The following NR3C2 variants were observed in gnomAD, a reference collection of about 807,000 sequenced individuals.
NR3C2 encodes nuclear receptor subfamily 3 group C member 2.
In NR3C2, 15 loss-of-function variants were observed where a neutral mutation model predicts 86.4. The ratio of observed to expected loss-of-function variants is 0.17; its 90% CI spans 0.12 to 0.27. NR3C2 has a LOEUF of 0.27. Ranked by LOEUF, NR3C2 falls within the 10% of genes least tolerant of loss-of-function variation. The pLI, the probability that NR3C2 is intolerant of heterozygous loss-of-function variation, is 1.00. For synonymous variants in NR3C2, 458 were observed against 450.5 expected (o/e 1.02, Z -0.21); for missense variants, 960 against 1,195.6 (o/e 0.80, Z 2.91).
chr4:148,386,984 G>C (rs1027240259), intron 2 of NR3C2, among the ~76,000 whole-genome samples: 2 of 152,046 alleles, frequency 1.3e-5, no homozygotes, highest in Non-Finnish European at 2.9e-5. Context: ...TTTTCTTAGT[G>C]ACTTAACCCA....
chr4:148,430,903 C>A (rs1342456051), intron 2 of NR3C2, among the ~76,000 whole-genome samples: 1 of 152,060 alleles, frequency 6.6e-6, no homozygotes, highest in African/African-American at 2.4e-5. Context: ...CTGTTTCATT[C>A]TATCGTGAAA....
At chr4:148,151,827 T>A (rs1361543466) in intron 6 of NR3C2, among the ~76,000 whole-genome samples, 1 of 152,158 alleles carries the variant, frequency 6.6e-6, no homozygotes, top group Admixed American at 6.5e-5. Flanking sequence ...GATACAAACA[T>A]AAATAAAATG....
intron 1 of NR3C2, among the ~76,000 whole-genome samples, chr4:148,437,819 T>C (rs944863282): frequency 6.6e-6 from 1 of 152,208 alleles, no homozygotes; most frequent in Non-Finnish European, 1.5e-5. Flanking sequence ...CAGGCAGTGA[T>C]AAACAAAAGA....
intron 2 of NR3C2, among the ~76,000 whole-genome samples, chr4:148,388,869 A>G (rs1243397643): frequency 1.3e-5 from 2 of 152,162 alleles, no homozygotes; most frequent in Non-Finnish European, 2.9e-5. Context: ...AACCTCACTT[A>G]AGGGACCTGG....
chr4:148,091,510 C>T (rs1018419749), intron 8 of NR3C2, among the ~76,000 whole-genome samples: 3 of 152,214 alleles, frequency 2.0e-5, no homozygotes, highest in African/African-American at 7.2e-5. Flanking sequence ...GGGCACAAGA[C>T]CAGGAGAGCT....
At chr4:148,422,194 T>C (rs1749316548) in intron 2 of NR3C2, among the ~76,000 whole-genome samples, 3 of 152,236 alleles carry the variant, frequency 2.0e-5, no homozygotes, top group South Asian at 4.1e-4. Context: ...ACAGGGTATA[T>C]GTCAATGAAA....
chr4:148,217,534 C>G (rs1210520987), intron 3 of NR3C2, among the ~76,000 whole-genome samples: 1 of 152,164 alleles, frequency 6.6e-6, no homozygotes, highest in African/African-American at 2.4e-5. Flanking sequence ...TTAAGTCTTC[C>G]CAAAACAGAT....
chr4:148,294,672 T>C (rs1014181755), intron 2 of NR3C2, among the ~76,000 whole-genome samples: 6 of 72,854 alleles, frequency 8.2e-5, no homozygotes, highest in African/African-American at 1.6e-4. Flanking sequence ...AAAGTCCTCA[T>C]TGATATAAAA....
intron 3 of NR3C2, among the ~76,000 whole-genome samples, chr4:148,249,897 T>G (rs569302827): frequency 6.6e-6 from 1 of 152,354 alleles, no homozygotes; most frequent in African/African-American, 2.4e-5. Flanking sequence ...TTCTTTGGTG[T>G]CAGCCTGTTC....
intron 3 of NR3C2, 77 bp downstream of exon 3, chr4:148,259,901 T>C (rs1740010933): frequency 1.3e-6 from 2 of 1,557,754 alleles, no homozygotes; most frequent in Non-Finnish European, 1.8e-6. Context: ...TTCCCAATAA[T>C]GCTATAGCAT....
chr4:148,372,499 A>C (rs1329477270), intron 2 of NR3C2, among the ~76,000 whole-genome samples: 1 of 152,070 alleles, frequency 6.6e-6, no homozygotes, highest in Non-Finnish European at 1.5e-5. Context: ...CATTCTTAAC[A>C]TGTTAAAAAA....
At chr4:148,147,987 A>T (rs1733944937) in intron 6 of NR3C2, among the ~76,000 whole-genome samples, 1 of 151,122 alleles carries the variant, frequency 6.6e-6, no homozygotes, top group Non-Finnish European at 1.5e-5. Flanking sequence ...TCCTTTAACT[A>T]CTACCTCCAA....
At chr4:148,444,643 G>C (rs1750501397), upstream of NR3C2, 1 of 985,968 alleles carries the variant, frequency 1.0e-6, no homozygotes, top group Non-Finnish European at 1.2e-6. Context: ...GGTGAGGATG[G>C]AGAGGATGAT....
intron 4 of NR3C2, among the ~76,000 whole-genome samples, chr4:148,193,999 C>A (rs1306870062): frequency 6.6e-6 from 1 of 152,176 alleles, no homozygotes; most frequent in Non-Finnish European, 1.5e-5. Flanking sequence ...TCTTGACCTT[C>A]TGTTAATCTG....
chr4:148,289,848 T>C (rs1277005114), intron 2 of NR3C2, among the ~76,000 whole-genome samples: 1 of 152,066 alleles, frequency 6.6e-6, no homozygotes, highest in African/African-American at 2.4e-5. Context: ...AGCTGCCCTA[T>C]GGAGTGGCTC....
At chr4:148,383,271 T>A (rs1244777981) in intron 2 of NR3C2, among the ~76,000 whole-genome samples, 1 of 152,126 alleles carries the variant, frequency 6.6e-6, no homozygotes, top group African/African-American at 2.4e-5. Context: ...AAATCAAGCA[T>A]CAGGCATTAA....
intron 3 of NR3C2, among the ~76,000 whole-genome samples, chr4:148,231,410 C>T (rs994200805): frequency 6.6e-6 from 1 of 152,132 alleles, no homozygotes; most frequent in Non-Finnish European, 1.5e-5. Flanking sequence ...CCCAATAAAG[C>T]AAGCACATAG....
At position 148,436,085 on chromosome 4, in the gene NR3C2, G is replaced by C. The variant is rs1410226026; in HGVS notation, c.776C>G (p.Ser259Cys). 3 of 1,614,010 alleles carry C rather than the reference G, an allele frequency of 1.9e-6. No individual in the cohort carries two copies. The highest frequency in any genetic ancestry group is 2.2e-5 in the East Asian group (1 of 44,884). Residue 259 changes from serine (S) to cysteine (C), a missense_variant, in exon 2 of 9, where the codon TCT (serine) becomes TGT (cysteine). Transcript: ENST00000358102. ...GCTACTTAACGGACTTGAGAGAGGA[G>C]AGCCCACATTGCTAGCATGTGCAGG... ...HSPAHASNVG[S>C]PLSSPLSSMK...
At chr4:148,230,491 G>A (rs778096396) in intron 3 of NR3C2, among the ~76,000 whole-genome samples, 4 of 152,048 alleles carry the variant, frequency 2.6e-5, no homozygotes, top group Non-Finnish European at 5.9e-5. Context: ...GCCACCACAC[G>A]TGGCAAGAAC....
Sources: allele counts gnomAD v4.1 joint callset (sites outside exome capture counted in the v4.1 genomes callset), GRCh38; gene constraint gnomAD v4.1.1; transcripts MANE v1.5; gene names NCBI Gene and HGNC (gene_info 2026-07-23, HGNC 2026-07-21).